NAALADL2: variants seen among roughly 807,000 people sequenced by gnomAD.
The protein encoded by NAALADL2 is N-acetylated alpha-linked acidic dipeptidase like 2, also known as inactive N-acetylated-alpha-linked acidic dipeptidase-like protein 2.
Under a neutral mutation model 87.2 loss-of-function variants are expected in NAALADL2, and 76 were observed. That is an observed-to-expected ratio of 0.87 (90% CI 0.72 to 1.05). The LOEUF is 1.05. Ranked by LOEUF, NAALADL2 falls within the 50% of genes least tolerant of loss-of-function variation. NAALADL2 has a pLI of 0.00. For synonymous variants in NAALADL2, 354 were observed against 331.0 expected (o/e 1.07, Z -0.75); for missense variants, 1,089 against 945.8 (o/e 1.15, Z -1.99).
At chr3:174,670,543 G>T (rs1189655056) in intron 2 of NAALADL2, among the ~76,000 whole-genome samples, 1 of 151,864 alleles carries the variant, frequency 6.6e-6, no homozygotes, top group African/African-American at 2.4e-5. Flanking sequence ...TACTAAAAAG[G>T]TTCCTGGTAG....
intron 2 of NAALADL2, among the ~76,000 whole-genome samples, chr3:175,133,604 C>G (rs916590191): frequency 6.6e-6 from 1 of 152,148 alleles, no homozygotes; most frequent in Admixed American, 6.5e-5. Context: ...CGCCTGCAAT[C>G]GCAGGCACTC....
chr3:175,078,727 G>A (rs575526836), intron 1 of NAALADL2, among the ~76,000 whole-genome samples: 4 of 152,302 alleles, frequency 2.6e-5, no homozygotes, highest in East Asian at 3.9e-4. Flanking sequence ...GTAGGAAGAT[G>A]TTTTTGAGAT....
chr3:175,256,596 G>A (rs1749987503), intron 4 of NAALADL2, 66 bp downstream of exon 4: 2 of 1,516,784 alleles, frequency 1.3e-6, no homozygotes, highest in Non-Finnish European at 1.8e-6. Flanking sequence ...GGAATTATAT[G>A]CTTTTGTGAG....
chr3:174,862,941 A>C (rs66792605), intron 1 of NAALADL2, among the ~76,000 whole-genome samples: 17,482 of 152,120 alleles, frequency 0.11, 1,099 homozygotes, highest in Middle Eastern at 0.15. Context: ...AGATGTTCCA[A>C]GTACAGAGGA....
At chr3:175,194,662 T>C (rs1232960049) in intron 2 of NAALADL2, among the ~76,000 whole-genome samples, 1 of 151,852 alleles carries the variant, frequency 6.6e-6, no homozygotes, top group Non-Finnish European at 1.5e-5. Context: ...TTATGCAGCT[T>C]AGATGAGGTA....
At chr3:175,203,857 C>T (rs1259716773) in intron 2 of NAALADL2, among the ~76,000 whole-genome samples, 9 of 152,166 alleles carry the variant, frequency 5.9e-5, no homozygotes, top group Non-Finnish European at 1.0e-4. Context: ...GAGATGGATA[C>T]ATTCCTGGAA....
intron 9 of NAALADL2, among the ~76,000 whole-genome samples, chr3:175,509,677 G>T (rs979101018): frequency 1.3e-5 from 2 of 152,126 alleles, no homozygotes; most frequent in African/African-American, 4.8e-5. Flanking sequence ...ATGAGTAAAT[G>T]AATATGTGTT....
At chr3:175,743,595 T>C (rs1408235786) in intron 12 of NAALADL2, among the ~76,000 whole-genome samples, 2 of 152,210 alleles carry the variant, frequency 1.3e-5, no homozygotes, top group Admixed American at 6.5e-5. Flanking sequence ...AATGAATGCA[T>C]TGTGATGGAC....
intron 1 of NAALADL2, among the ~76,000 whole-genome samples, chr3:174,458,165 T>C (rs1213697264): frequency 6.6e-6 from 1 of 152,204 alleles, no homozygotes; most frequent in Non-Finnish European, 1.5e-5. Context: ...TTTTAATTTA[T>C]AAAGTATTAT....
chr3:175,027,886 A>C (rs540719044), intron 1 of NAALADL2, among the ~76,000 whole-genome samples: 2 of 151,946 alleles, frequency 1.3e-5, no homozygotes, highest in South Asian at 4.2e-4. Context: ...AGGTAAAGAA[A>C]AATGCTTCTA....
intron 9 of NAALADL2, among the ~76,000 whole-genome samples, chr3:175,474,907 C>T (rs191385796): frequency 1.3e-5 from 2 of 151,900 alleles, no homozygotes; most frequent in Non-Finnish European, 2.9e-5. Context: ...CTTGCTCTGC[C>T]CCAAGTCCCC....
chr3:175,181,069 T>G (rs1736392042), intron 2 of NAALADL2, among the ~76,000 whole-genome samples: 1 of 152,018 alleles, frequency 6.6e-6, no homozygotes, highest in Non-Finnish European at 1.5e-5. Context: ...CCTATGACAT[T>G]TAGAGGCACC....
chr3:175,376,925 G>A (rs897878917), intron 5 of NAALADL2, among the ~76,000 whole-genome samples: 15 of 151,648 alleles, frequency 9.9e-5, no homozygotes, highest in Non-Finnish European at 1.9e-4. Flanking sequence ...TTTTCATTTC[G>A]GGTATTCTGC....
chr3:175,251,442 C>T (rs982536937), intron 3 of NAALADL2, among the ~76,000 whole-genome samples: 21 of 152,194 alleles, frequency 1.4e-4, no homozygotes, highest in African/African-American at 4.3e-4. Flanking sequence ...AGTCCTTAGA[C>T]TTCCTTTTCA....
chr3:174,805,899 C>G (rs9848453), intron 3 of NAALADL2, among the ~76,000 whole-genome samples: 33,810 of 152,052 alleles, frequency 0.22, 3,898 homozygotes, highest in East Asian at 0.35. Flanking sequence ...CCCTATTTCT[C>G]TATTAATCTA....
intron 11 of NAALADL2, among the ~76,000 whole-genome samples, chr3:175,679,846 G>T (rs902707182): frequency 6.6e-6 from 1 of 152,100 alleles, no homozygotes; most frequent in African/African-American, 2.4e-5. Flanking sequence ...AAATTTCTCA[G>T]TGAAGAGTAT....
At chr3:175,081,830 T>A (rs555962437) in intron 1 of NAALADL2, among the ~76,000 whole-genome samples, 24 of 152,312 alleles carry the variant, frequency 1.6e-4, no homozygotes, top group Admixed American at 1.4e-3. Context: ...GAACCATTTA[T>A]TGTACATTTT....
Position 174,733,548 on chromosome 3 carries a change from T to C in NAALADL2, c.-114-4093T>C, listed in dbSNP as rs549629823. On this transcript the variant is annotated intron_variant, in intron 2 of 3. Transcript: ENST00000434257. Reference sequence around the variant, plus strand: ...AGAGCCCCATGTGGCTTAGCATTTCTTGTGATTTGTAGCTTGAAGGCTTGA... The same window carrying C: ...AGAGCCCCATGTGGCTTAGCATTTCCTGTGATTTGTAGCTTGAAGGCTTGA... Among the ~76,000 whole-genome samples, 313 of 152,350 alleles carry C rather than the reference T, an allele frequency of 2.1e-3. 1 individual carries two copies. Among genetic ancestry groups the C allele is most frequent in the African/African-American group, 7.3e-3 (302 of 41,588 alleles).
chr3:175,651,203 G>A (rs746501561), intron 11 of NAALADL2, among the ~76,000 whole-genome samples: 5 of 151,898 alleles, frequency 3.3e-5, no homozygotes, highest in African/African-American at 4.8e-5. Flanking sequence ...CTGAATAATT[G>A]AAGAAAATTA....
Sources: gnomAD v4.1 joint callset for allele counts (sites outside exome capture counted in the v4.1 genomes callset) on GRCh38, gnomAD v4.1.1 for gene constraint, MANE v1.5 for transcripts, NCBI Gene and HGNC (gene_info 2026-07-23, HGNC 2026-07-21) for gene names.